Variants in DMD observed in about 807,000 individuals in gnomAD.
The protein encoded by DMD is dystrophin.
In DMD, 63 loss-of-function variants were observed where a neutral mutation model predicts 330.1. The ratio of observed to expected loss-of-function variants is 0.19; its 90% CI spans 0.16 to 0.24. The LOEUF is 0.24. Ranked by LOEUF, DMD falls within the 10% of genes least tolerant of loss-of-function variation. DMD has a pLI of 1.00. For missense variants in DMD, 3,344 were observed against 2,684.1 expected, an observed-to-expected ratio of 1.25 and a Z score of -5.43; for synonymous variants, 1,223 against 959.8, an observed-to-expected ratio of 1.27 and a Z score of -5.07.
chrX:31,159,237 C>T (rs1040956978), intron 74 of DMD, among the ~76,000 whole-genome samples: 3 of 111,218 alleles, frequency 2.7e-5, no homozygotes, highest in Non-Finnish European at 5.7e-5. Context: ...AAACCTTACT[C>T]GAAGGCAAAA....
intron 44 of DMD, among the ~76,000 whole-genome samples, chrX:32,209,870 A>G (rs1717539975): frequency 8.9e-6 from 1 of 111,811 alleles, no homozygotes; most frequent in Admixed American, 9.6e-5. Context: ...TCTAATAACA[A>G]GCCACTGAAA....
At chrX:31,721,694 C>CCA (rs2085523616) in intron 52 of DMD, among the ~76,000 whole-genome samples, 1 of 65,093 alleles carries the variant, frequency 1.5e-5, no homozygotes, top group African/African-American at 8.4e-5. Context: ...CACTCTCTCT[C>CCA]TCTCTCTCTC....
intron 60 of DMD, among the ~76,000 whole-genome samples, chrX:31,372,152 A>T (rs1468887682): frequency 9.0e-6 from 1 of 111,583 alleles, no homozygotes; most frequent in Non-Finnish European, 1.9e-5. Flanking sequence ...ACTATCGCTT[A>T]TCTTAGACTA....
chrX:32,358,867 C>A lies in DMD; in HGVS notation c.5325+3921G>T, dbSNP rs191958134. Among the ~76,000 whole-genome samples, 32 of 111,631 alleles carry A rather than the reference C, an allele frequency of 2.9e-4. 1 individual carries two copies. The Admixed American group carries it at 3.0e-3, about 10-fold the overall frequency. On this transcript the variant is annotated intron_variant, in intron 37 of 78. Transcript: ENST00000357033. ...ACCCATTGATATTAATTATTTTTAA[C>A]CATTTCATATCTATACACTGATTAA...
intron 51 of DMD, among the ~76,000 whole-genome samples, chrX:31,749,300 C>A (rs1437621441): frequency 3.9e-5 from 3 of 76,075 alleles, no homozygotes; most frequent in African/African-American, 9.9e-5. Context: ...CCCCTCCCCC[C>A]ACCCCACAAC....
chrX:31,267,091 A>G, intron 62 of DMD: 1 of 308,753 alleles, frequency 3.2e-6, no homozygotes, highest in Non-Finnish European at 5.5e-6. Context: ...TCAAAACGGA[A>G]AGGAAAAAGA....
Position 32,747,824 on chromosome X carries a change from C to CCA in DMD, c.650-48533_650-48532dup, listed in dbSNP as rs199865466. Among the ~76,000 whole-genome samples the CCA allele has an allele frequency of 9.8e-3, 1,082 of 110,764 alleles. 7 individuals are homozygous for CCA. The highest frequency in any genetic ancestry group is 0.033 in the African/African-American group (1,002 of 30,375). Reference sequence around the variant, plus strand: ...CCTTCCCTGATGACTCTGATGCAGGCCACACTTTGAGAGCAAAGCACAGCC... The same window carrying CCA: ...CCTTCCCTGATGACTCTGATGCAGGCCACACACTTTGAGAGCAAAGCACAGCC... On this transcript the variant is annotated intron_variant, in intron 7 of 78. Coordinates refer to ENST00000357033, the MANE Select transcript of DMD (RefSeq NM_004006.3).
In DMD at chrX:31,678,544, C is replaced by A. The variant is rs1156966654; in HGVS notation, c.7872+831G>T. Among the ~76,000 whole-genome samples, 4 of 111,402 alleles carry A rather than the reference C, an allele frequency of 3.6e-5. No homozygotes were observed. In the East Asian group the frequency reaches 1.1e-3, roughly 31 times the overall value. Reference sequence around the variant, plus strand: ...TCTTCCTTTTCCTTTTTCTTTTATCCTGAGGAATTATAGACTACTAAGCAG... The same window carrying A: ...TCTTCCTTTTCCTTTTTCTTTTATCATGAGGAATTATAGACTACTAAGCAG... On this transcript the variant is annotated intron_variant, in intron 53 of 78. Coordinates refer to ENST00000357033, the MANE Select transcript of DMD (RefSeq NM_004006.3).
chrX:31,477,420 T>C (rs979595443), intron 59 of DMD, among the ~76,000 whole-genome samples: 3 of 111,650 alleles, frequency 2.7e-5, no homozygotes, highest in African/African-American at 9.8e-5. Flanking sequence ...TCTAGGAGGA[T>C]TTTTGTGATT....
intron 60 of DMD, among the ~76,000 whole-genome samples, chrX:31,353,365 C>A: frequency 9.0e-6 from 1 of 111,565 alleles, no homozygotes; most frequent in Middle Eastern, 4.6e-3. Flanking sequence ...TTGGGAAGAT[C>A]AGTATAGTGT....
chrX:32,733,208 G>T (rs1165749984), intron 7 of DMD, among the ~76,000 whole-genome samples: 6 of 111,197 alleles, frequency 5.4e-5, no homozygotes, highest in African/African-American at 2.0e-4. Context: ...AACAGGAAGA[G>T]CTAACTATCC....
chrX:31,307,724 C>T lies in DMD; in HGVS notation c.9224+15874G>A, dbSNP rs148004975. 7.1e-4 allele frequency among the ~76,000 whole-genome samples: 79 copies of T among 111,897 alleles called. 1 individual carries two copies. Among genetic ancestry groups the T allele is most frequent in the Non-Finnish European group, 1.3e-3 (67 of 53,164 alleles). On this transcript the variant is annotated intron_variant, in intron 62 of 78. Coordinates refer to ENST00000357033, the MANE Select transcript of DMD (RefSeq NM_004006.3). Reference sequence around the variant, plus strand: ...ATATCTAATATTTAACAGAGAAAGGCAAAAACTGGTTGAGTATAACTGAAT... The same window carrying T: ...ATATCTAATATTTAACAGAGAAAGGTAAAAACTGGTTGAGTATAACTGAAT...
intron 77 of DMD, among the ~76,000 whole-genome samples, chrX:31,127,306 C>T (rs1174162864): frequency 8.9e-6 from 1 of 112,333 alleles, no homozygotes; most frequent in Non-Finnish European, 1.9e-5. Flanking sequence ...GAGCTTTCCA[C>T]TTCCTCCCCA....
intron 63 of DMD, among the ~76,000 whole-genome samples, chrX:31,227,031 C>T (rs773805148): frequency 6.9e-4 from 77 of 111,456 alleles, no homozygotes; most frequent in Non-Finnish European, 1.2e-3. Flanking sequence ...CATAAAGTTT[C>T]TCTTCTTTTT....
intron 20 of DMD, among the ~76,000 whole-genome samples, chrX:32,486,407 A>C (rs922341303): frequency 8.9e-6 from 1 of 111,911 alleles, no homozygotes; most frequent in African/African-American, 3.3e-5. Context: ...TATAGTTTCT[A>C]GACCATTTTA....
At chrX:31,351,746 C>CAAAAAAAAAAAAAAAAAAAAAAAAAAAAA (rs1300313892) in intron 60 of DMD, among the ~76,000 whole-genome samples, 1 of 71,561 alleles carries the variant, frequency 1.4e-5, no homozygotes, top group African/African-American at 5.7e-5. Context: ...AAAAAAAAAG[C>CAAAAAAAAAAAAAAAAAAAAAAAAAAAAA]AAAAAAGGAG....
intron 9 of DMD, among the ~76,000 whole-genome samples, chrX:32,690,774 A>T (rs1377434386): frequency 9.3e-6 from 1 of 107,511 alleles, no homozygotes; most frequent in Admixed American, 9.8e-5. Context: ...GGTGTTGGAA[A>T]AACTGGATAT....
chrX:32,225,176 T>C (rs1424395480), intron 43 of DMD, among the ~76,000 whole-genome samples: 1 of 112,314 alleles, frequency 8.9e-6, no homozygotes, highest in Non-Finnish European at 1.9e-5. Flanking sequence ...GCAAACTTTA[T>C]AGATAAAGAT....
At chrX:31,318,063 C>G (rs1341388419) in intron 62 of DMD, among the ~76,000 whole-genome samples, 1 of 112,141 alleles carries the variant, frequency 8.9e-6, no homozygotes, top group East Asian at 2.8e-4. Context: ...CTGGTACCAA[C>G]AGGGGCTAGA....
Sources: gnomAD v4.1 joint callset for allele counts (sites outside exome capture counted in the v4.1 genomes callset) on GRCh38, gnomAD v4.1.1 for gene constraint, MANE v1.5 for transcripts, NCBI Gene and HGNC (gene_info 2026-07-23, HGNC 2026-07-21) for gene names.